ZFHX3: variants seen among roughly 807,000 people sequenced by gnomAD.
The protein encoded by ZFHX3 is zinc finger homeobox protein 3.
Under a neutral mutation model 279.1 loss-of-function variants are expected in ZFHX3, and 42 were observed. The observed-to-expected ratio is 0.15, with a 90% CI of 0.12 to 0.19. ZFHX3 has a LOEUF of 0.19. Ranked by LOEUF, ZFHX3 falls within the 10% of genes least tolerant of loss-of-function variation. ZFHX3 has a pLI of 1.00. For missense variants in ZFHX3, 4,981 were observed against 4,754.0 expected (o/e 1.05, Z -1.40); for synonymous variants, 2,293 against 1,957.8 (o/e 1.17, Z -4.52).
Position 72,949,911 on chromosome 16 carries a change from C to CTTT in ZFHX3, c.3216+555_3216+557dup, listed in dbSNP as rs774934563. ...TCTATGAGGGCAGGGATTTTCTTTTCTTTTTTTTTTTTTTTTTTGGTCAGA... is the reference window on the plus strand; with the variant it reads ...TCTATGAGGGCAGGGATTTTCTTTTCTTTTTTTTTTTTTTTTTTTTTGGTCAGA... On this transcript the variant is annotated intron_variant, in intron 3 of 9. Coordinates refer to ENST00000268489, the MANE Select transcript of ZFHX3 (RefSeq NM_006885.4). Among the ~76,000 whole-genome samples the CTTT allele has an allele frequency of 2.8e-3, 328 of 116,040 alleles. 4 individuals carry two copies. Among genetic ancestry groups the CTTT allele is most frequent in the Middle Eastern group, 0.01 (2 of 198 alleles). 76.1% of individuals were successfully genotyped at this position (116,040 alleles called of 152,430 possible).
intron 3 of ZFHX3, among the ~76,000 whole-genome samples, chr16:73,320,097 G>C (rs1219932204): frequency 6.6e-6 from 1 of 152,202 alleles, no homozygotes; most frequent in African/African-American, 2.4e-5. Context: ...AGGTCTGGAA[G>C]AGGGAAGAAC....
intron 1 of ZFHX3, among the ~76,000 whole-genome samples, chr16:73,842,268 C>T (rs184846570): frequency 6.6e-6 from 1 of 152,120 alleles, no homozygotes; most frequent in East Asian, 1.9e-4. Context: ...TTGCAAGCCA[C>T]CTCATCATGG....
intron 5 of ZFHX3, among the ~76,000 whole-genome samples, chr16:73,209,216 A>G (rs1171056098): frequency 6.6e-6 from 1 of 152,242 alleles, no homozygotes; most frequent in Non-Finnish European, 1.5e-5. Context: ...TTGCATGTTA[A>G]TATAAGTAAT....
At chr16:72,955,141 T>C (rs925310001) in intron 2 of ZFHX3, among the ~76,000 whole-genome samples, 1 of 152,168 alleles carries the variant, frequency 6.6e-6, no homozygotes, top group East Asian at 1.9e-4. Flanking sequence ...CATAAAGGAT[T>C]TGTGGCTCTC....
intron 3 of ZFHX3, among the ~76,000 whole-genome samples, chr16:73,326,677 T>C (rs1203296505): frequency 6.6e-6 from 1 of 152,206 alleles, no homozygotes; most frequent in Non-Finnish European, 1.5e-5. Flanking sequence ...GAAAATATTC[T>C]CAACTTAGAT....
rs1567512921 is a variant in ZFHX3 at position 72,793,576 on chromosome 16, G to A, written c.9106C>T (p.Arg3036Trp). 6.8e-6 allele frequency: 11 copies of A among 1,614,054 alleles called. No homozygotes were observed. The highest frequency in any genetic ancestry group is 8.5e-6 in the Non-Finnish European group (10 of 1,180,044). Residue 3036 changes from arginine to tryptophan, a missense_variant, in exon 9 of 10, where the codon CGG becomes TGG. This residue lies in a region of ZFHX3 where 168 missense variants were observed against 249.1 expected (regional missense o/e 0.67). Coordinates refer to ENST00000268489, the MANE Select transcript of ZFHX3 (RefSeq NM_006885.4). The surrounding 1 kb of genome is among the most constrained non-coding windows in gnomAD (Gnocchi z 4.3). Reference sequence around the variant, plus strand: ...AAGATATGGTCACGTACAGACAGCCGAGCGCTGTACTTGATGCCACACAAA... The same window carrying A: ...AAGATATGGTCACGTACAGACAGCCAAGCGCTGTACTTGATGCCACACAAA... ...CTLCGIKYSA[R>W]LSVRDHIFSQ...
At chr16:73,869,464 T>A (rs540566300) in intron 1 of ZFHX3, among the ~76,000 whole-genome samples, 28 of 152,362 alleles carry the variant, frequency 1.8e-4, no homozygotes, top group African/African-American at 6.5e-4. Context: ...AAAGGCTAAC[T>A]GTTTATGCAC....
At chr16:73,482,617 C>T (rs2018889755) in intron 2 of ZFHX3, among the ~76,000 whole-genome samples, 1 of 152,210 alleles carries the variant, frequency 6.6e-6, no homozygotes, top group Non-Finnish European at 1.5e-5. Context: ...AAGCTGCCTG[C>T]CACCTCCCCT....
intron 3 of ZFHX3, among the ~76,000 whole-genome samples, chr16:73,439,852 C>T (rs552004089): frequency 5.8e-4 from 71 of 123,390 alleles, no homozygotes; most frequent in African/African-American, 1.8e-3. Flanking sequence ...AAGGCTGAGG[C>T]TTGTATAAAG....
chr16:73,503,119 T>A (rs1441778459), intron 2 of ZFHX3, among the ~76,000 whole-genome samples: 1 of 152,074 alleles, frequency 6.6e-6, no homozygotes, highest in East Asian at 1.9e-4. Flanking sequence ...AAAATGGGAG[T>A]CAGCATTCAC....
chr16:73,195,244 A>G (rs1968118586), intron 5 of ZFHX3, among the ~76,000 whole-genome samples: 1 of 152,124 alleles, frequency 6.6e-6, no homozygotes, highest in Non-Finnish European at 1.5e-5. Flanking sequence ...GGAGAAGGGG[A>G]GGACCCTTTG....
In ZFHX3 at chr16:73,262,903, A is replaced by G. The variant is rs546350305; in HGVS notation, c.-1193-5767T>C. ...CAAGAATCCCCGAGGAAGCCCTCCC[A>G]TGCCAATCAGCTGGCCGACTGCCAG... On this transcript the variant is annotated intron_variant, in intron 4 of 17. Transcript: ENST00000641206. Among the ~76,000 whole-genome samples the G allele has an allele frequency of 2.0e-4, 30 of 152,228 alleles. 2 individuals are homozygous for G. The East Asian group carries it at 2.7e-3, about 14-fold the overall frequency.
intron 5 of ZFHX3, among the ~76,000 whole-genome samples, chr16:73,153,651 T>A (rs926571653): frequency 3.9e-5 from 6 of 152,068 alleles, no homozygotes; most frequent in African/African-American, 7.2e-5. Context: ...ACTCTTTTTT[T>A]ATTTTATTTT....
chr16:73,718,316 C>G (rs1213169311), intron 1 of ZFHX3, among the ~76,000 whole-genome samples: 1 of 152,040 alleles, frequency 6.6e-6, no homozygotes, highest in African/African-American at 2.4e-5. Context: ...GAGGCTGAGG[C>G]AGAAGAATCA....
intron 2 of ZFHX3, among the ~76,000 whole-genome samples, chr16:73,598,020 C>A (rs985408789): frequency 6.6e-6 from 1 of 152,062 alleles, no homozygotes; most frequent in Non-Finnish European, 1.5e-5. Flanking sequence ...TAATGGCTCC[C>A]AAATATCTCT....
At chr16:72,936,334 T>G (rs771316563) in intron 3 of ZFHX3, among the ~76,000 whole-genome samples, 1 of 152,236 alleles carries the variant, frequency 6.6e-6, no homozygotes, top group East Asian at 1.9e-4. Context: ...TCACACACTG[T>G]TCTAAGCATT....
At chr16:72,977,286 T>C (rs1265704436) in intron 1 of ZFHX3, among the ~76,000 whole-genome samples, 2 of 152,094 alleles carry the variant, frequency 1.3e-5, no homozygotes, top group African/African-American at 4.8e-5. Context: ...AGACGCAGCG[T>C]CTGGCCTCCC....
At chr16:73,755,700 A>G (rs2053802271) in intron 1 of ZFHX3, among the ~76,000 whole-genome samples, 1 of 152,184 alleles carries the variant, frequency 6.6e-6, no homozygotes, top group Non-Finnish European at 1.5e-5. Flanking sequence ...AAGGAATCGA[A>G]CCTCCCGTGA....
chr16:73,586,729 A>T (rs1485858820), intron 2 of ZFHX3, among the ~76,000 whole-genome samples: 1 of 152,210 alleles, frequency 6.6e-6, no homozygotes. Context: ...CAGACAGAAG[A>T]TCAACAAATA....
Sources: allele counts gnomAD v4.1 joint callset (sites outside exome capture counted in the v4.1 genomes callset), GRCh38; gene constraint gnomAD v4.1.1; regional missense constraint gnomAD v4.1.1; non-coding constraint Gnocchi (gnomAD v3.1); transcripts MANE v1.5; gene names NCBI Gene and HGNC (gene_info 2026-07-23, HGNC 2026-07-21).